Variants in ARIH2 observed in about 807,000 individuals in gnomAD.
The protein encoded by ARIH2 is ariadne RBR E3 ubiquitin protein ligase 2.
A neutral mutation model predicts 79.8 loss-of-function variants in ARIH2; 12 were observed. The observed-to-expected ratio is 0.15, with a 90% CI of 0.10 to 0.24. The LOEUF is 0.24. Ranked by LOEUF, ARIH2 falls within the 10% of genes least tolerant of loss-of-function variation. ARIH2 has a pLI of 1.00. For synonymous variants in ARIH2, 224 were observed against 213.9 expected, an observed-to-expected ratio of 1.05 and a Z score of -0.41; for missense variants, 301 against 618.3, an observed-to-expected ratio of 0.49 and a Z score of 5.44.
rs1022614701 is a variant in ARIH2 at position 48,985,467 on chromosome 3, T to C, written c.*2197T>C. ...TCTTTGTTTTTCTTCAACGAAAAAG[T>C]TAATTGAGGCAATGTCATCTGCTCA... On this transcript the variant is annotated 3_prime_UTR_variant, in exon 16 of 16. Transcript: ENST00000356401. The C allele has an allele frequency of 2.0e-5, 3 of 152,248 alleles. No homozygotes were observed. The highest frequency in any genetic ancestry group is 2.9e-5 in the Non-Finnish European group (2 of 68,042). 9.4% of individuals were successfully genotyped at this position (152,248 alleles called of 1,614,324 possible).
intron 3 of ARIH2, among the ~76,000 whole-genome samples, chr3:48,940,348 T>G (rs1404876946): frequency 6.6e-6 from 1 of 151,708 alleles, no homozygotes; most frequent in African/African-American, 2.4e-5. Flanking sequence ...ATAGATAGAT[T>G]GATTTTAAAA....
chr3:48,963,843 A>ATT (rs1257194173), intron 4 of ARIH2, among the ~76,000 whole-genome samples: 2 of 152,024 alleles, frequency 1.3e-5, no homozygotes, highest in African/African-American at 4.8e-5. Flanking sequence ...TTTAATGGCC[A>ATT]TTTGTGCTGC....
chr3:48,919,541 C>G (rs377253358), intron 1 of ARIH2, among the ~76,000 whole-genome samples: 9 of 152,350 alleles, frequency 5.9e-5, no homozygotes, highest in African/African-American at 1.9e-4. Context: ...TGTTCATTGC[C>G]TGGTCCCATA....
At chr3:48,919,315 G>T (rs1364140446) in intron 1 of ARIH2, 3 of 845,880 alleles carry the variant, frequency 3.5e-6, no homozygotes, top group Non-Finnish European at 3.2e-6. Flanking sequence ...GCCGCCTCGG[G>T]GCTCACCACT....
chr3:48,932,920 C>T (rs1289283119), intron 3 of ARIH2, among the ~76,000 whole-genome samples: 8 of 152,094 alleles, frequency 5.3e-5, no homozygotes, highest in African/African-American at 1.9e-4. Flanking sequence ...GTCCTGGCTC[C>T]ACAGGGCAAT....
In ARIH2 at chr3:48,983,260, A is replaced by G. The variant is rs2092814330; in HGVS notation, c.1472A>G (p.His491Arg). 6.2e-7 allele frequency: 1 copy of G among 1,614,174 alleles called. No homozygotes were observed. Among genetic ancestry groups the G allele is most frequent in the Non-Finnish European group, 8.5e-7 (1 of 1,180,026 alleles). Reference protein sequence around the residue: ...QRRRTLLKDFHDT With the variant: ...QRRRTLLKDFRDT The stretch of plus-strand genomic sequence containing the variant: ...AGGAGAACCCTGCTGAAAGATTTCC[A>G]TGACACCTAAGTTGGGATGTGGATG... Residue 491 changes from histidine (H) to arginine (R), a missense_variant, in exon 16 of 16, where the codon CAT becomes CGT. By Grantham distance (29) the His-to-Arg change is conservative (BLOSUM62 0). This residue lies in a region of ARIH2 where 78 missense variants were observed against 268.9 expected (regional missense o/e 0.29). Transcript: ENST00000356401.
At chr3:48,949,236 G>T in intron 3 of ARIH2, 1 of 390,638 alleles carries the variant, frequency 2.6e-6, no homozygotes, top group Non-Finnish European at 5.2e-6. Context: ...TCCTGCCTCA[G>T]CCTCCTGAGT....
Position 48,927,822 on chromosome 3 carries a change from T to G in ARIH2, c.255+9T>G. On this transcript the variant is annotated intron_variant, in intron 3 of 15. Transcript: ENST00000356401. ...TAGCTTCTGTCCTAAAGGTGAGCAG[T>G]GTTGTAAACTCCAGTGTAATCCCCC... 1 of 1,613,206 alleles carries G rather than the reference T, an allele frequency of 6.2e-7. No individual in the cohort carries two copies. The highest frequency in any genetic ancestry group is 8.5e-7 in the Non-Finnish European group (1 of 1,179,292).
intron 3 of ARIH2, among the ~76,000 whole-genome samples, chr3:48,955,188 A>G (rs1000280255): frequency 1.3e-5 from 2 of 152,068 alleles, no homozygotes; most frequent in South Asian, 4.1e-4. Flanking sequence ...ACAGAATGAC[A>G]CTCCATCTCA....
Position 48,984,239 on chromosome 3 carries a change from A to G in ARIH2, c.*969A>G, listed in dbSNP as rs1230421567. On this transcript the variant is annotated 3_prime_UTR_variant, in exon 16 of 16. Coordinates refer to ENST00000356401, the MANE Select transcript of ARIH2 (RefSeq NM_006321.4). ...AGGGTCACATTTGGCCAAACCTGAC[A>G]CTGTCTTGCTGCATTCTCCTTTGGC... 1 of 152,692 alleles carries G rather than the reference A, an allele frequency of 6.5e-6. No individual in the cohort carries two copies. The highest frequency in any genetic ancestry group is 2.4e-5 in the African/African-American group (1 of 41,448). 9.5% of individuals were successfully genotyped at this position (152,692 alleles called of 1,614,324 possible).
intron 3 of ARIH2, among the ~76,000 whole-genome samples, chr3:48,937,578 C>G (rs928474603): frequency 1.3e-5 from 2 of 152,112 alleles, no homozygotes; most frequent in African/African-American, 4.8e-5. Context: ...GCAGAAATGT[C>G]TGGTTATGTT....
At position 48,950,816 on chromosome 3, in the gene ARIH2, TAAATA is replaced by T. The variant is rs753040000; in HGVS notation, c.256-10788_256-10784del. ...TAATACAATTTCAGATATATTAGGT[TAAATA>T]AAATAAATTATTAAAATTCACCCAC... On this transcript the variant is annotated intron_variant, in intron 3 of 15. Transcript: ENST00000356401. Among the ~76,000 whole-genome samples, 18 of 152,276 alleles carry T rather than the reference TAAATA, an allele frequency of 1.2e-4. No individual in the cohort carries two copies. The East Asian group carries it at 2.5e-3, about 21-fold the overall frequency.
chr3:48,963,689 T>G lies in ARIH2; in HGVS notation c.324-1230T>G, dbSNP rs116512025. On this transcript the variant is annotated intron_variant, in intron 4 of 15. Transcript: ENST00000356401. Reference sequence around the variant, plus strand: ...AATTCCAGGTTGTTTTCCAGAGTGATTTACCACTTTACACGCTCAGCAGTG... The same window carrying G: ...AATTCCAGGTTGTTTTCCAGAGTGAGTTACCACTTTACACGCTCAGCAGTG... 4.2e-3 allele frequency among the ~76,000 whole-genome samples: 637 copies of G among 152,338 alleles called. 3 individuals carry two copies. Among genetic ancestry groups the G allele is most frequent in the African/African-American group, 0.015 (621 of 41,570 alleles).
chr3:48,980,237 A>C (rs2092701081), intron 12 of ARIH2, 116 bp from the exon 13 acceptor site: 1 of 1,054,484 alleles, frequency 9.5e-7, no homozygotes, highest in African/African-American at 1.6e-5. Context: ...TTGGGGAATA[A>C]GTTAGAGGAG....
chr3:48,934,562 T>G (rs1256714850), intron 3 of ARIH2: 1 of 985,314 alleles, frequency 1.0e-6, no homozygotes, highest in Non-Finnish European at 1.2e-6. Flanking sequence ...TGTCTTTGCA[T>G]GCCTCTATCT....
chr3:48,934,580 A>G (rs1346483051), intron 3 of ARIH2: 1 of 985,312 alleles, frequency 1.0e-6, no homozygotes, highest in Non-Finnish European at 1.2e-6. Flanking sequence ...TCTAAGTAGA[A>G]CTTAGGTTAA....
At chr3:48,968,970 G>A (rs2091989778) in intron 7 of ARIH2, among the ~76,000 whole-genome samples, 3 of 151,970 alleles carry the variant, frequency 2.0e-5, no homozygotes, top group Non-Finnish European at 4.4e-5. Context: ...TGCAACCTCC[G>A]CCTCCCAGGT....
chr3:48,938,913 C>CAAAA (rs1158929356), intron 3 of ARIH2, among the ~76,000 whole-genome samples: 15 of 54,408 alleles, frequency 2.8e-4, no homozygotes, highest in African/African-American at 1.0e-3. Context: ...GTCTTTAGAC[C>CAAAA]AAAAAAAAAA....
chr3:48,940,808 A>AAAAAAAAAAAATATATATAT (rs759369585), intron 3 of ARIH2, among the ~76,000 whole-genome samples: 1 of 98,064 alleles, frequency 1.0e-5, no homozygotes, highest in African/African-American at 4.1e-5. Context: ...AAAAAAAAAA[A>AAAAAAAAAAAATATATATAT]ATATATATAT....
Sources: allele counts gnomAD v4.1 joint callset (sites outside exome capture counted in the v4.1 genomes callset), GRCh38; gene constraint gnomAD v4.1.1; regional missense constraint gnomAD v4.1.1; transcripts MANE v1.5; gene names NCBI Gene and HGNC (gene_info 2026-07-23, HGNC 2026-07-21).